The following PTPRK variants were observed in gnomAD, a reference collection of about 807,000 sequenced individuals.
PTPRK encodes receptor-type tyrosine-protein phosphatase kappa.
Under a neutral mutation model 178.0 loss-of-function variants are expected in PTPRK, and 75 were observed. The ratio of observed to expected loss-of-function variants is 0.42; its 90% confidence interval spans 0.35 to 0.51. The LOEUF (loss-of-function observed/expected upper bound fraction) is 0.51. Ranked by LOEUF, PTPRK falls within the 20% of genes least tolerant of loss-of-function variation. The pLI is 0.02. For missense variants in PTPRK, 1,441 were observed against 1,797.8 expected, an observed-to-expected ratio of 0.80 and a Z score of 3.59; for synonymous variants, 637 against 620.6, an observed-to-expected ratio of 1.03 and a Z score of -0.39.
intron 2 of PTPRK, among the ~76,000 whole-genome samples, chr6:128,362,312 A>G (rs972620573): frequency 2.0e-5 from 3 of 152,166 alleles, no homozygotes; most frequent in African/African-American, 7.2e-5. Context: ...AGGGAATTGT[A>G]TTAAACCCTT....
chr6:128,019,542 A>G (rs1773152062), intron 13 of PTPRK, among the ~76,000 whole-genome samples: 1 of 30,628 alleles, frequency 3.3e-5, no homozygotes. Context: ...AGCAAAAAGA[A>G]AAAAAAAAAA....
At chr6:128,270,310 C>A (rs1415215929) in intron 3 of PTPRK, among the ~76,000 whole-genome samples, 6 of 151,990 alleles carry the variant, frequency 3.9e-5, no homozygotes, top group Non-Finnish European at 7.4e-5. Flanking sequence ...ACTGAGGAAA[C>A]CTTAGAAAGT....
chr6:128,016,171 G>A (rs1779570442), intron 13 of PTPRK, among the ~76,000 whole-genome samples: 2 of 151,746 alleles, frequency 1.3e-5, no homozygotes. Flanking sequence ...AGATTAAGAA[G>A]AGAAAAATAC....
At chr6:128,230,530 G>C (rs774383853) in intron 5 of PTPRK, among the ~76,000 whole-genome samples, 1 of 152,106 alleles carries the variant, frequency 6.6e-6, no homozygotes, top group Non-Finnish European at 1.5e-5. Context: ...ATGTTTACCC[G>C]ATATTGAGTC....
intron 2 of PTPRK, chr6:128,340,904 C>A: frequency 3.1e-6 from 1 of 321,492 alleles, no homozygotes; most frequent in East Asian, 9.5e-5. Context: ...TTTTGATAGA[C>A]TAATAGATTT....
chr6:128,117,422 G>A (rs553639261), intron 7 of PTPRK, among the ~76,000 whole-genome samples: 78 of 152,266 alleles, frequency 5.1e-4, no homozygotes, highest in African/African-American at 1.9e-3. Flanking sequence ...TCCGCAAGGA[G>A]TATAACATTT....
rs562119261 is a variant in PTPRK at position 128,238,204 on chromosome 6, A to G, written c.693+1831T>C. ...AAACGCCAAAAAAAAAAAAAAAAAGAAAAGAAAAAAAAAAGAGGTGAGGTA... is the reference window on the plus strand; with the variant it reads ...AAACGCCAAAAAAAAAAAAAAAAAGGAAAGAAAAAAAAAAGAGGTGAGGTA... On this transcript the variant is annotated intron_variant, in intron 5 of 29. Transcript: ENST00000368226. 206 of 396,722 alleles carry G rather than the reference A, an allele frequency of 5.2e-4. 1 individual carries two copies. The highest frequency in any genetic ancestry group is 4.5e-3 in the African/African-American group (193 of 42,846). 24.6% of individuals were successfully genotyped at this position (396,722 alleles called of 1,614,324 possible). A position where few individuals can be genotyped will look rare whatever the true frequency, so the allele number is the denominator to read the frequency against.
chr6:128,000,492 G>T (rs915774154), intron 15 of PTPRK: 9 of 401,896 alleles, frequency 2.2e-5, no homozygotes. Context: ...GATAGATTCT[G>T]TTGTGACCTA....
chr6:128,113,275 G>A (rs1023850470), intron 7 of PTPRK, among the ~76,000 whole-genome samples: 1 of 151,618 alleles, frequency 6.6e-6, no homozygotes, highest in African/African-American at 2.4e-5. Context: ...ACAGACAGAA[G>A]AAAAAAACTT....
At chr6:128,260,874 C>T (rs1051902985) in intron 3 of PTPRK, among the ~76,000 whole-genome samples, 1 of 152,108 alleles carries the variant, frequency 6.6e-6, no homozygotes. Flanking sequence ...ACTGCTTTAG[C>T]AAGCTTAACA....
At chr6:128,129,185 T>C (rs764316213) in intron 7 of PTPRK, among the ~76,000 whole-genome samples, 1 of 152,338 alleles carries the variant, frequency 6.6e-6, no homozygotes. Flanking sequence ...ATGTATTTCT[T>C]TTCATTCTGA....
At chr6:128,224,967 T>C (rs116587007) in intron 5 of PTPRK, among the ~76,000 whole-genome samples, 2 of 152,320 alleles carry the variant, frequency 1.3e-5, no homozygotes, top group South Asian at 4.1e-4. Flanking sequence ...CTCTTTGGAC[T>C]TTTTGTTAAA....
intron 6 of PTPRK, among the ~76,000 whole-genome samples, chr6:128,214,104 G>A (rs1429595143): frequency 1.3e-5 from 2 of 152,090 alleles, no homozygotes; most frequent in African/African-American, 2.4e-5. Flanking sequence ...TATTGTGCTA[G>A]GTGCTGAAGC....
At chr6:128,013,134 C>A (rs564238618) in intron 13 of PTPRK, among the ~76,000 whole-genome samples, 1 of 151,516 alleles carries the variant, frequency 6.6e-6, no homozygotes, top group South Asian at 2.1e-4. Flanking sequence ...TCTACTCCCT[C>A]TTTCTTGGAA....
chr6:128,070,280 A>G (rs949621749), intron 11 of PTPRK, among the ~76,000 whole-genome samples: 1 of 152,020 alleles, frequency 6.6e-6, no homozygotes, highest in Non-Finnish European at 1.5e-5. Flanking sequence ...TTCATTCTCT[A>G]CTTTATACTA....
rs1166549071 is a variant in PTPRK, at chr6:128,184,555, T to C, written c.1039A>G (p.Thr347Ala). Residue 347 changes from threonine (T) to alanine (A), a missense_variant, in exon 7 of 30, where the codon ACT becomes GCT. By Grantham distance (58) the Thr-to-Ala change is moderately conservative. Coordinates refer to ENST00000368226, the MANE Select transcript of PTPRK (RefSeq NM_002844.4). ...GGATCTAAATGCCATAATTTGTAAG[T>C]TGGAGCATTGACTGCATGGGTTTCT... Reference protein sequence around the residue: ...WTETHAVNAPTYKLWHLDPDT... With the variant: ...WTETHAVNAPAYKLWHLDPDT... 2 of 1,613,886 alleles carry C rather than the reference T, an allele frequency of 1.2e-6. No individual in the cohort carries two copies. The highest frequency in any genetic ancestry group is 1.7e-6 in the Non-Finnish European group (2 of 1,179,938).
intron 1 of PTPRK, among the ~76,000 whole-genome samples, chr6:128,470,139 C>CTGTT (rs1400518341): frequency 6.6e-6 from 1 of 152,058 alleles, no homozygotes; most frequent in Non-Finnish European, 1.5e-5. Flanking sequence ...ATTATACATC[C>CTGTT]TGTTATTCCT....
intron 14 of PTPRK, among the ~76,000 whole-genome samples, chr6:128,008,877 A>G (rs1583622728): frequency 6.6e-6 from 1 of 151,176 alleles, no homozygotes; most frequent in East Asian, 1.9e-4. Context: ...CATTTGAGAC[A>G]TTTAAATTCG....
At chr6:128,081,400 T>C (rs1334402789) in intron 10 of PTPRK, among the ~76,000 whole-genome samples, 3 of 152,144 alleles carry the variant, frequency 2.0e-5, no homozygotes, top group African/African-American at 7.2e-5. Flanking sequence ...TTATTCATGA[T>C]ACAAATTTTT....
Sources: gnomAD v4.1 joint callset for allele counts (sites outside exome capture counted in the v4.1 genomes callset) on GRCh38, gnomAD v4.1.1 for gene constraint, MANE v1.5 for transcripts, NCBI Gene and HGNC (gene_info 2026-07-23, HGNC 2026-07-21) for gene names.